Variants in SLC12A3 observed in about 807,000 individuals in gnomAD.
The protein encoded by SLC12A3 is solute carrier family 12 member 3.
SLC12A3 carries 104 observed loss-of-function variants against 121.0 expected under a neutral mutation model. The observed-to-expected ratio is 0.86, with a 90% CI of 0.73 to 1.01. The LOEUF is 1.01. Among genes scored for constraint, SLC12A3 ranks in the 50% least tolerant of loss-of-function variants. The probability of loss-of-function intolerance (pLI) is 0.00; values close to 1 mark genes in which losing one functional copy is unlikely to be tolerated. For missense variants in SLC12A3, 1,328 were observed against 1,356.3 expected (o/e 0.98, Z 0.33); for synonymous variants, 536 against 533.4 (o/e 1.00, Z -0.07).
rs764651769 is a variant in SLC12A3 at position 56,886,958 on chromosome 16, C to T, written c.2043C>T (p.Pro681=). 6.2e-7 allele frequency: 1 copy of T among 1,613,506 alleles called. No individual in the cohort carries two copies. The highest frequency in any genetic ancestry group is 1.3e-5 in the African/African-American group (1 of 74,890). The change falls in exon 17 of 26, where the codon CCC becomes CCT. Residue 681 remains proline (P), a synonymous_variant. Transcript: ENST00000563236. ...LMICGHVLIG[P]HKQRMPELQL... ...CCTGCCCCTCCCACCCACAGGGACC[C>T]CACAAGCAGAGGATGCCTGAGCTCC...
intron 23 of SLC12A3, among the ~76,000 whole-genome samples, chr16:56,901,347 C>CTTTTT (rs113592874): frequency 1.6e-5 from 2 of 128,904 alleles, no homozygotes. Context: ...CTCTCTCTCT[C>CTTTTT]TTTTTTTTTT....
chr16:56,872,714 C>T lies in SLC12A3; in HGVS notation c.1023C>T (p.Phe341=), dbSNP rs2229209. 44,596 of 1,614,210 alleles carry T rather than the reference C, an allele frequency of 0.028. 851 individuals are homozygous for T. Among genetic ancestry groups the T allele is most frequent in the African/African-American group, 0.074 (5,555 of 75,058 alleles). ...PDWRGPDGTF[F]GMFSIFFPSA... is the part of the protein sequence containing the mutation. ...GGCGGGGTCCAGATGGCACCTTCTT[C>T]GGAATGTTCTCCATCTTCTTCCCCT... Residue 341 remains phenylalanine, a synonymous_variant, in exon 8 of 26, where the codon TTC becomes TTT. Transcript: ENST00000563236.
intron 12 of SLC12A3, among the ~76,000 whole-genome samples, 167 bp downstream of exon 12, chr16:56,880,420 A>T (rs565275351): frequency 6.6e-6 from 1 of 152,184 alleles, no homozygotes; most frequent in Admixed American, 6.5e-5. Flanking sequence ...ACCTGGGAGG[A>T]GACATCGGGG....
chr16:56,875,078 T>G (rs750527597), intron 8 of SLC12A3, among the ~76,000 whole-genome samples: 125 of 152,268 alleles, frequency 8.2e-4, no homozygotes, highest in Non-Finnish European at 1.6e-3. Flanking sequence ...CGATGCCTCA[T>G]CAAGCTTTTT....
At chr16:56,868,832 C>T (rs1196364531) in intron 3 of SLC12A3, among the ~76,000 whole-genome samples, 9 of 151,898 alleles carry the variant, frequency 5.9e-5, no homozygotes, top group South Asian at 2.1e-4. Context: ...ATTGGCCAGG[C>T]GTGGTTGGCA....
intron 18 of SLC12A3, among the ~76,000 whole-genome samples, chr16:56,888,620 G>A (rs1000162531): frequency 1.1e-4 from 15 of 138,284 alleles, no homozygotes; most frequent in Admixed American, 6.6e-4. Context: ...GTGCAGTGGC[G>A]CTATCTCGGC....
rs1473585946 is a variant in SLC12A3 at position 56,870,713 on chromosome 16, G to A, written c.829G>A (p.Ala277Thr). Residue 277 changes from alanine (A) to threonine (T), a missense_variant, in exon 6 of 26, where the codon GCT becomes ACT. By Grantham distance (58) the Ala-to-Thr change is moderately conservative. Transcript: ENST00000563236. ...SVTVLLAISL[A>T]GMEWESKAQV... ...CACTGTGCTGCTGGCCATCTCCCTG[G>A]CTGGCATGGAGTGGGAGTCCAAGGT... The A allele has an allele frequency of 6.2e-7, 1 of 1,613,120 alleles. No homozygotes were observed. Among genetic ancestry groups the A allele is most frequent in the East Asian group, 2.2e-5 (1 of 44,882 alleles).
At chr16:56,900,328 C>T (rs1373366069) in intron 23 of SLC12A3, among the ~76,000 whole-genome samples, 1 of 152,062 alleles carries the variant, frequency 6.6e-6, no homozygotes, top group Non-Finnish European at 1.5e-5. Flanking sequence ...TGGCTGCAGG[C>T]TGGTGAAAGC....
intron 12 of SLC12A3, among the ~76,000 whole-genome samples, chr16:56,881,668 G>A (rs2055242038): frequency 6.6e-6 from 1 of 152,140 alleles, no homozygotes; most frequent in South Asian, 2.1e-4. Flanking sequence ...AGACAGGGAA[G>A]AGGAAGCAGT....
intron 12 of SLC12A3, among the ~76,000 whole-genome samples, chr16:56,881,487 C>CA (rs1217931974): frequency 6.6e-6 from 1 of 152,064 alleles, no homozygotes; most frequent in East Asian, 1.9e-4. Flanking sequence ...ACCATGATCT[C>CA]AGATGCTCCG....
At chr16:56,899,417 A>G (rs2055507611) in intron 22 of SLC12A3, 113 bp from the exon 23 acceptor site, 2 of 807,416 alleles carry the variant, frequency 2.5e-6, no homozygotes, top group Admixed American at 1.8e-5. Flanking sequence ...TGAACCTGGG[A>G]GGCAGAGGTT....
chr16:56,881,435 C>T (rs1379678382), intron 12 of SLC12A3, among the ~76,000 whole-genome samples: 1 of 147,804 alleles, frequency 6.8e-6, no homozygotes, highest in Non-Finnish European at 1.5e-5. Flanking sequence ...GATTCGATGT[C>T]CTTTCATCTG....
In SLC12A3 at chr16:56,870,076, T is replaced by TC; in HGVS notation, c.602-17dup. On this transcript the variant is annotated intron_variant, in intron 4 of 25. Transcript: ENST00000563236. ...CAACCGACTCATCTGGTTTCATGGT[T>TC]CCCGGCTCTGCCCTGATAGGTGGCA... is the stretch of plus-strand genomic sequence containing the variant. 4.3e-6 allele frequency: 7 copies of TC among 1,611,352 alleles called. No individual in the cohort carries two copies. Among genetic ancestry groups the TC allele is most frequent in the Non-Finnish European group, 5.9e-6 (7 of 1,180,020 alleles).
At chr16:56,882,576 G>A (rs1409466727) in intron 13 of SLC12A3, 79 bp downstream of exon 13, 4 of 1,105,130 alleles carry the variant, frequency 3.6e-6, no homozygotes, top group Non-Finnish European at 4.2e-6. Flanking sequence ...GGAGTGGGAG[G>A]CATGGGTGGA....
intron 23 of SLC12A3, among the ~76,000 whole-genome samples, chr16:56,901,359 T>TTTTTTTTTTTA (rs1425567383): frequency 6.6e-6 from 1 of 150,814 alleles, no homozygotes. Context: ...TTTTTTTTTT[T>TTTTTTTTTTTA]GAGACAGTCT....
chr16:56,874,052 C>G (rs1025269262), intron 8 of SLC12A3, among the ~76,000 whole-genome samples: 2 of 152,172 alleles, frequency 1.3e-5, no homozygotes, highest in Non-Finnish European at 2.9e-5. Flanking sequence ...TCATCTCTCC[C>G]AGCCCTTCCA....
chr16:56,906,525 A>G (rs2055610139), intron 25 of SLC12A3: 1 of 201,270 alleles, frequency 5.0e-6, no homozygotes, highest in Admixed American at 5.9e-5. Context: ...CTGAGGATTG[A>G]CTGCCATCCT....
At chr16:56,902,299 C>G in intron 23 of SLC12A3, 74 bp from the exon 24 acceptor site, 1 of 1,595,914 alleles carries the variant, frequency 6.3e-7, no homozygotes, top group Non-Finnish European at 8.6e-7. Flanking sequence ...ACTGCCAGCT[C>G]CCCGCAGGGA....
Position 56,892,988 on chromosome 16 carries a change from A to G in SLC12A3, c.2455A>G (p.Thr819Ala). 1 of 1,614,192 alleles carries G rather than the reference A, an allele frequency of 6.2e-7. No individual in the cohort carries two copies. ...GGCCCTGGTGAAGGAGGAGCAGGCC[A>G]CCACCATCTTCCAGTCGGAGCAGGG... The part of the protein sequence containing the change: ...PKALVKEEQA[T>A]TIFQSEQGKK... Residue 819 changes from threonine (T) to alanine (A), a missense_variant, in exon 21 of 26, where the codon ACC becomes GCC. Transcript: ENST00000563236.
Sources: gnomAD v4.1 joint callset for allele counts (sites outside exome capture counted in the v4.1 genomes callset) on GRCh38, gnomAD v4.1.1 for gene constraint, MANE v1.5 for transcripts, NCBI Gene and HGNC (gene_info 2026-07-23, HGNC 2026-07-21) for gene names.